The following TMTC4 variants were observed in gnomAD, a reference collection of about 807,000 sequenced individuals.
The protein encoded by TMTC4 is protein O-mannosyl-transferase TMTC4.
Under a neutral mutation model 86.0 loss-of-function variants are expected in TMTC4, and 65 were observed. That is an observed-to-expected ratio of 0.76 (90% CI 0.62 to 0.93). TMTC4 has a LOEUF of 0.93. Ranked by LOEUF, TMTC4 falls within the 40% of genes least tolerant of loss-of-function variation. The probability of loss-of-function intolerance (pLI) is 0.00; values close to 1 mark genes in which losing one functional copy is unlikely to be tolerated. For missense variants in TMTC4, 866 were observed against 948.1 expected (o/e 0.91, Z 1.14); for synonymous variants, 379 against 382.5 (o/e 0.99, Z 0.11).
chr13:100,613,847 C>CT (rs1244765417), intron 16 of TMTC4, among the ~76,000 whole-genome samples: 39 of 137,510 alleles, frequency 2.8e-4, no homozygotes, highest in African/African-American at 8.0e-4. Flanking sequence ...CCGCCCCCCC[C>CT]TTTTTTTTTG....
At chr13:100,662,879 G>T in intron 5 of TMTC4, 85 bp downstream of exon 5, 1 of 1,446,532 alleles carries the variant, frequency 6.9e-7, no homozygotes, top group Admixed American at 1.8e-5. Context: ...TACATAAAGG[G>T]AGCCTGTTTT....
chr13:100,673,652 C>T (rs1887422054), intron 1 of TMTC4, among the ~76,000 whole-genome samples: 2 of 152,230 alleles, frequency 1.3e-5, no homozygotes, highest in Non-Finnish European at 2.9e-5. Context: ...CCTGCTGTGA[C>T]GGCCTTCCCA....
chr13:100,668,788 T>G lies in TMTC4; in HGVS notation c.10A>C (p.Asn4His), dbSNP rs565482139. Residue 4 changes from asparagine (N) to histidine (H), a missense_variant, in exon 3 of 19, where the codon AAC (asparagine) becomes CAC (histidine). By Grantham distance (68) the Asn-to-His change is moderately conservative (BLOSUM62 1). Transcript: ENST00000342624. ...CTCCCGGCTCCAGCATTATGCTGGTTAGGAATCTGCAGGAAAAACAACACT... is the reference window on the plus strand; with the variant it reads ...CTCCCGGCTCCAGCATTATGCTGGTGAGGAATCTGCAGGAAAAACAACACT... MIP[N>H]QHNAGAGSHQ... 3 of 1,614,064 alleles carry G rather than the reference T, an allele frequency of 1.9e-6. No homozygotes were observed. In the African/African-American group the frequency reaches 4.0e-5, roughly 22 times the overall value.
intron 15 of TMTC4, among the ~76,000 whole-genome samples, chr13:100,623,549 A>G (rs1420209120): frequency 3.3e-5 from 5 of 152,100 alleles, no homozygotes; most frequent in Admixed American, 6.5e-5. Flanking sequence ...TGTTATTTTA[A>G]AACAGATTCT....
At chr13:100,637,167 A>C (rs1478278956) in intron 9 of TMTC4, among the ~76,000 whole-genome samples, 1 of 152,130 alleles carries the variant, frequency 6.6e-6, no homozygotes, top group Non-Finnish European at 1.5e-5. Flanking sequence ...AGGCAAATCT[A>C]AAAGAATAGT....
chr13:100,630,142 C>G (rs943490212), intron 12 of TMTC4, among the ~76,000 whole-genome samples: 10 of 151,766 alleles, frequency 6.6e-5, no homozygotes, highest in Admixed American at 5.2e-4. Flanking sequence ...TAAACACATT[C>G]AAATAACATT....
intron 17 of TMTC4, among the ~76,000 whole-genome samples, chr13:100,606,874 C>G (rs563786237): frequency 6.6e-6 from 1 of 152,320 alleles, no homozygotes; most frequent in Non-Finnish European, 1.5e-5. Flanking sequence ...CGCCCAGAAG[C>G]AGCCCCATCC....
At chr13:100,667,532 T>A (rs370640874) in intron 3 of TMTC4, among the ~76,000 whole-genome samples, 1 of 152,188 alleles carries the variant, frequency 6.6e-6, no homozygotes, top group Non-Finnish European at 1.5e-5. Flanking sequence ...ATAAAATATA[T>A]GCAAATCAGT....
chr13:100,674,248 G>A, intron 1 of TMTC4: 1 of 980,328 alleles, frequency 1.0e-6, no homozygotes, highest in Non-Finnish European at 1.2e-6. Flanking sequence ...CTCGCGGCGC[G>A]GCGGGGGAGC....
rs1880824257 is a variant in TMTC4 at position 100,628,153 on chromosome 13, A to G, written c.1507-2003T>C. Among the ~76,000 whole-genome samples, 3 of 152,186 alleles carry G rather than the reference A, an allele frequency of 2.0e-5. No homozygotes were observed. The South Asian group carries it at 6.2e-4, about 31-fold the overall frequency. On this transcript the variant is annotated intron_variant, in intron 12 of 18. Transcript: ENST00000342624. ...GCTGACGTGGAAGTCCATGGTCACC[A>G]TCCATCTCCAGAGTTCTTTCATTTT... is the stretch of plus-strand genomic sequence containing the variant.
chr13:100,655,256 C>G, intron 6 of TMTC4, among the ~76,000 whole-genome samples: 1 of 152,158 alleles, frequency 6.6e-6, no homozygotes, highest in Non-Finnish European at 1.5e-5. Flanking sequence ...CTCCTGACCT[C>G]AAGTGATCTG....
chr13:100,657,928 G>A (rs9518127), intron 5 of TMTC4, among the ~76,000 whole-genome samples: 28,167 of 152,076 alleles, frequency 0.19, 3,030 homozygotes, highest in Middle Eastern at 0.25. Flanking sequence ...GCAGCCCGTG[G>A]TGTCAGGTGA....
intron 12 of TMTC4, 55 bp from the exon 13 acceptor site, chr13:100,626,205 G>A (rs570512085): frequency 8.4e-5 from 131 of 1,550,884 alleles, no homozygotes; most frequent in Middle Eastern, 6.7e-4. Flanking sequence ...TTCAGAGCCT[G>A]GACCCCATCA....
intron 7 of TMTC4, chr13:100,638,433 T>A (rs1347669482): frequency 6.4e-6 from 1 of 155,704 alleles, no homozygotes; most frequent in African/African-American, 2.4e-5. Context: ...AAGGCAGCCA[T>A]CAACCTCAAA....
Position 100,645,747 on chromosome 13 carries a change from G to A in TMTC4, c.641-3436C>T, listed in dbSNP as rs565137720. The stretch of plus-strand genomic sequence containing the variant: ...AGTCTATCACAATATTCCTCACAGA[G>A]TTTATCACAAGCACTTGATTTTCTG... On this transcript the variant is annotated intron_variant, in intron 6 of 18. Coordinates refer to ENST00000342624, the MANE Select transcript of TMTC4 (RefSeq NM_032813.5). Among the ~76,000 whole-genome samples, 4 of 152,342 alleles carry A rather than the reference G, an allele frequency of 2.6e-5. No homozygotes were observed. The South Asian group carries it at 6.2e-4, about 24-fold the overall frequency.
chr13:100,666,183 T>C, intron 3 of TMTC4: 1 of 384,266 alleles, frequency 2.6e-6, no homozygotes, highest in Non-Finnish European at 5.2e-6. Flanking sequence ...TCCCCCTAAC[T>C]CCACTGTCTC....
chr13:100,606,700 T>C (rs1594215192), intron 17 of TMTC4, among the ~76,000 whole-genome samples: 1 of 152,264 alleles, frequency 6.6e-6, no homozygotes, highest in Middle Eastern at 3.4e-3. Context: ...TTCTGTAATG[T>C]TATGCAAGTC....
At chr13:100,617,127 A>ATT (rs35707709) in intron 15 of TMTC4, among the ~76,000 whole-genome samples, 3,065 of 147,834 alleles carry the variant, frequency 0.021, 89 homozygotes, top group African/African-American at 0.063. Flanking sequence ...TTCTTCTAGG[A>ATT]TTTTTTTTTT....
intron 6 of TMTC4, among the ~76,000 whole-genome samples, chr13:100,655,100 C>T (rs1167361693): frequency 6.7e-6 from 1 of 148,756 alleles, no homozygotes; most frequent in African/African-American, 2.5e-5. Flanking sequence ...CGGCTCACTG[C>T]AGCCTCCGCC....
Sources: gnomAD v4.1 joint callset for allele counts (sites outside exome capture counted in the v4.1 genomes callset) on GRCh38, gnomAD v4.1.1 for gene constraint, MANE v1.5 for transcripts, NCBI Gene and HGNC (gene_info 2026-07-23, HGNC 2026-07-21) for gene names.